The following CLMP variants were observed in gnomAD, a reference collection of about 807,000 sequenced individuals.
CLMP encodes the protein CXADR like cell adhesion molecule.
Under a neutral mutation model 45.2 loss-of-function variants are expected in CLMP, and 27 were observed. The observed-to-expected ratio is 0.60, with a 90% CI of 0.44 to 0.82. CLMP has a LOEUF of 0.82. CLMP is among the 40% of genes least tolerant of loss of function. The probability of loss-of-function intolerance (pLI) is 0.00; values close to 1 mark genes in which losing one functional copy is unlikely to be tolerated. For synonymous variants in CLMP, 167 were observed against 171.4 expected (o/e 0.97, Z 0.20); for missense variants, 403 against 448.4 (o/e 0.90, Z 0.91).
At chr11:123,097,206 G>A (rs941281582) in intron 2 of CLMP, among the ~76,000 whole-genome samples, 2 of 151,370 alleles carry the variant, frequency 1.3e-5, no homozygotes, top group Non-Finnish European at 2.9e-5. Flanking sequence ...CCAGGCTCAA[G>A]TGCAGTGGCT....
chr11:123,150,528 GA>G (rs1861316515), intron 1 of CLMP, among the ~76,000 whole-genome samples: 9 of 120,070 alleles, frequency 7.5e-5, no homozygotes, highest in Admixed American at 4.2e-4. Context: ...AGGAAGGAAG[GA>G]AAGAAACAAG....
intron 5 of CLMP, among the ~76,000 whole-genome samples, chr11:123,081,726 A>T (rs888093171): frequency 1.3e-5 from 2 of 152,018 alleles, no homozygotes; most frequent in African/African-American, 4.8e-5. Flanking sequence ...GCCAGGTGTG[A>T]CGGCATGTGC....
intron 5 of CLMP, among the ~76,000 whole-genome samples, chr11:123,082,182 C>G (rs1258619795): frequency 2.6e-5 from 4 of 152,216 alleles, no homozygotes; most frequent in Admixed American, 2.6e-4. Flanking sequence ...TGGCATATAA[C>G]TAACTAGCTG....
intron 1 of CLMP, among the ~76,000 whole-genome samples, chr11:123,166,000 G>C (rs568069670): frequency 5.1e-4 from 78 of 152,296 alleles, no homozygotes; most frequent in African/African-American, 1.9e-3. Context: ...TAAATTTCAA[G>C]AGAAAATTTT....
intron 1 of CLMP, among the ~76,000 whole-genome samples, chr11:123,143,606 A>G (rs1861196523): frequency 6.6e-6 from 1 of 152,110 alleles, no homozygotes; most frequent in Non-Finnish European, 1.5e-5. Flanking sequence ...AACCACAAAG[A>G]ACTCAATACT....
intron 1 of CLMP, among the ~76,000 whole-genome samples, chr11:123,105,931 C>T (rs530524329): frequency 6.6e-6 from 1 of 152,096 alleles, no homozygotes; most frequent in East Asian, 1.9e-4. Context: ...ATTCTTGTGC[C>T]TCAGCCTCCC....
At chr11:123,124,067 A>G (rs1317132618) in intron 1 of CLMP, among the ~76,000 whole-genome samples, 2 of 152,222 alleles carry the variant, frequency 1.3e-5, no homozygotes, top group Non-Finnish European at 2.9e-5. Context: ...TAGGAGAAGG[A>G]AACTTCTAGG....
intron 1 of CLMP, among the ~76,000 whole-genome samples, chr11:123,124,119 TA>T (rs1338782693): frequency 2.6e-5 from 4 of 152,206 alleles, no homozygotes; most frequent in African/African-American, 9.6e-5. Flanking sequence ...AGCCCTGTTA[TA>T]TTTTTTTGGT....
intron 1 of CLMP, among the ~76,000 whole-genome samples, chr11:123,182,612 C>A (rs148153165): frequency 6.6e-6 from 1 of 152,176 alleles, no homozygotes; most frequent in Non-Finnish European, 1.5e-5. Flanking sequence ...ACCCTCTGGG[C>A]GTTTATTTCC....
intron 2 of CLMP, among the ~76,000 whole-genome samples, chr11:123,091,678 G>C (rs1420377164): frequency 6.6e-6 from 1 of 152,136 alleles, no homozygotes; most frequent in Non-Finnish European, 1.5e-5. Flanking sequence ...TTAATTATTT[G>C]CTCAGTGTTA....
chr11:123,191,259 C>T (rs954666920), intron 1 of CLMP, among the ~76,000 whole-genome samples: 3 of 152,130 alleles, frequency 2.0e-5, no homozygotes, highest in Non-Finnish European at 4.4e-5. Flanking sequence ...TGAAATAATA[C>T]TCATGTGTAC....
chr11:123,165,439 C>T (rs1244977952), intron 1 of CLMP, among the ~76,000 whole-genome samples: 1 of 152,156 alleles, frequency 6.6e-6, no homozygotes, highest in Non-Finnish European at 1.5e-5. Flanking sequence ...GTATCTGGTA[C>T]CTACCGCATA....
At chr11:123,127,639 C>CT (rs1860915974) in intron 1 of CLMP, among the ~76,000 whole-genome samples, 1 of 152,104 alleles carries the variant, frequency 6.6e-6, no homozygotes, top group Non-Finnish European at 1.5e-5. Context: ...CCCAACAACC[C>CT]AGATAAAGAT....
At chr11:123,135,873 A>G (rs1861064156) in intron 1 of CLMP, 1 of 471,912 alleles carries the variant, frequency 2.1e-6, no homozygotes, top group Non-Finnish European at 4.2e-6. Flanking sequence ...TATTGCTGCC[A>G]CTTTTCTTCT....
At chr11:123,162,031 T>G (rs1488645089) in intron 1 of CLMP, among the ~76,000 whole-genome samples, 1 of 152,208 alleles carries the variant, frequency 6.6e-6, no homozygotes, top group Non-Finnish European at 1.5e-5. Flanking sequence ...ACAGGAAAGA[T>G]GCAGAGATGC....
chr11:123,149,483 CTGTTT>C (rs1280398376), intron 1 of CLMP, among the ~76,000 whole-genome samples: 1 of 152,186 alleles, frequency 6.6e-6, no homozygotes, highest in East Asian at 1.9e-4. Context: ...TCTCTGGGTT[CTGTTT>C]ATCTTGGAGT....
At chr11:123,141,196 TTTTTTTG>T in intron 1 of CLMP, among the ~76,000 whole-genome samples, 1 of 136,470 alleles carries the variant, frequency 7.3e-6, no homozygotes, top group Admixed American at 7.3e-5. Flanking sequence ...TTTTTTTTTT[TTTTTTTG>T]AGACGAAGTC....
At position 123,173,896 on chromosome 11, in the gene CLMP, A is replaced by G. The variant is rs998963308; in HGVS notation, c.28+21017T>C. ...CAGGAGTTCGAGACCAGCCTGGGCA[A>G]TATGGTGAAATCTCATCTCTACAAG... On this transcript the variant is annotated intron_variant, in intron 1 of 6. Coordinates refer to ENST00000448775, the MANE Select transcript of CLMP (RefSeq NM_024769.5). 3.9e-5 allele frequency among the ~76,000 whole-genome samples: 6 copies of G among 152,096 alleles called. 1 individual carries two copies. Among genetic ancestry groups the G allele is most frequent in the Admixed American group, 1.3e-4 (2 of 15,266 alleles).
intron 1 of CLMP, 68 bp from the exon 2 acceptor site, chr11:123,098,020 CAACA>C: frequency 7.6e-7 from 1 of 1,307,806 alleles, no homozygotes; most frequent in Non-Finnish European, 1.0e-6. Context: ...GCAAATATGA[CAACA>C]AAGAATTATG....
Sources: allele counts gnomAD v4.1 joint callset (sites outside exome capture counted in the v4.1 genomes callset), GRCh38; gene constraint gnomAD v4.1.1; transcripts MANE v1.5; gene names NCBI Gene and HGNC (gene_info 2026-07-23, HGNC 2026-07-21).